The following SRP19 variants were observed in gnomAD, a reference collection of about 807,000 sequenced individuals.
SRP19 encodes the protein signal recognition particle 19.
Under a neutral mutation model 22.4 loss-of-function variants are expected in SRP19, and 11 were observed. The observed-to-expected ratio is 0.49, with a 90% CI of 0.31 to 0.81. SRP19 has a LOEUF of 0.81. Among genes scored for constraint, SRP19 ranks in the 40% least tolerant of loss-of-function variants. The probability of loss-of-function intolerance (pLI) is 0.05; values close to 1 mark genes in which losing one functional copy is unlikely to be tolerated. For missense variants in SRP19, 168 were observed against 175.9 expected (o/e 0.96, Z 0.25); for synonymous variants, 61 against 57.6 (o/e 1.06, Z -0.27).
At chr5:112,889,596 T>C (rs971406102) in intron 4 of SRP19, among the ~76,000 whole-genome samples, 6 of 150,710 alleles carry the variant, frequency 4.0e-5, no homozygotes, top group Admixed American at 1.3e-4. Flanking sequence ...TAGCTATAGA[T>C]AGCTTTCAAA....
At chr5:112,895,358 TGAA>T (rs1244558227), downstream of SRP19, 1 of 152,038 alleles carries the variant, frequency 6.6e-6, no homozygotes. Context: ...TTAATGTACT[TGAA>T]GAAAGTGTAC....
Position 112,867,471 on chromosome 5 carries a change from A to G in SRP19, c.369A>G (p.Gly123=). The change falls in exon 5 of 5, where the codon GGA becomes GGG. Residue 123 remains glycine (G), a synonymous_variant. Coordinates refer to ENST00000505459, the MANE Select transcript of SRP19 (RefSeq NM_003135.3). ...PKLKTRTQKT[G]GADQSLQQGE... is the part of the protein sequence containing the mutation. ...TAAAAACAAGGACACAAAAAACAGG[A>G]GGTGCTGACCAAAGTCTTCAACAAG... is the stretch of plus-strand genomic sequence containing the variant. The G allele has an allele frequency of 6.2e-7, 1 of 1,614,022 alleles. No homozygotes were observed. The highest frequency in any genetic ancestry group is 1.1e-5 in the South Asian group (1 of 91,068).
intron 4 of SRP19, chr5:112,876,917 C>T (rs1280681516): frequency 6.6e-6 from 1 of 152,074 alleles, no homozygotes; most frequent in Admixed American, 6.5e-5. Flanking sequence ...TTTTGTACCT[C>T]CTCATCTTGT....
chr5:112,874,713 C>G (rs945660250), downstream of SRP19, among the ~76,000 whole-genome samples: 18 of 151,874 alleles, frequency 1.2e-4, no homozygotes, highest in African/African-American at 3.9e-4. Flanking sequence ...TCTGAGAGGA[C>G]AGTAATCTTT....
intron 4 of SRP19, chr5:112,878,488 A>G (rs544413674): frequency 2.7e-6 from 1 of 376,528 alleles, no homozygotes; most frequent in East Asian, 4.5e-5. Context: ...TGTGGGGTAT[A>G]TAATTTTATT....
At chr5:112,886,423 G>A (rs947587276) in intron 4 of SRP19, among the ~76,000 whole-genome samples, 2 of 152,140 alleles carry the variant, frequency 1.3e-5, no homozygotes, top group African/African-American at 4.8e-5. Flanking sequence ...TTCATGAATG[G>A]CTCTTTATCA....
chr5:112,872,960 A>G (rs987399094), downstream of SRP19, among the ~76,000 whole-genome samples: 1 of 152,148 alleles, frequency 6.6e-6, no homozygotes, highest in Non-Finnish European at 1.5e-5. Context: ...TGTTTAAGGA[A>G]TTCAAGGGAA....
At position 112,868,162 on chromosome 5, in the gene SRP19, G is replaced by A. The variant is rs929237470; in HGVS notation, c.*625G>A. Reference sequence around the variant, plus strand: ...TTTAAGCTTTAAATTTGCTTATTTTGTAGGTTTAAGAACATGATTTTCATG... The same window carrying A: ...TTTAAGCTTTAAATTTGCTTATTTTATAGGTTTAAGAACATGATTTTCATG... On this transcript the variant is annotated 3_prime_UTR_variant, in exon 5 of 5. Transcript: ENST00000505459. 3.0e-6 allele frequency: 3 copies of A among 985,288 alleles called. No individual in the cohort carries two copies. The highest frequency in any genetic ancestry group is 3.5e-5 in the African/African-American group (2 of 57,210). The allele number at this position is 985,288 out of a possible 1,614,324, so 61.0% of individuals were successfully genotyped here.
At chr5:112,892,090 G>C (rs1013032986) in exon 5 of SRP19, 2 of 1,612,458 alleles carry the variant, frequency 1.2e-6, no homozygotes, top group African/African-American at 2.7e-5. Context: ...GGCTGAAAAT[G>C]ATTTAGAAAA....
chr5:112,862,469 C>T (rs1196738735), intron 1 of SRP19, 39 bp from the exon 2 acceptor site: 3 of 1,586,780 alleles, frequency 1.9e-6, no homozygotes, highest in African/African-American at 1.3e-5. Flanking sequence ...CTGCCTCTTA[C>T]TGCTCTAGTG....
At chr5:112,892,549 T>C in exon 5 of SRP19, 1 of 1,614,186 alleles carries the variant, frequency 6.2e-7, no homozygotes, top group Non-Finnish European at 8.5e-7. Context: ...ACAGCTGCAA[T>C]GTGAATTCTG....
chr5:112,879,077 C>T (rs949539314), intron 4 of SRP19, among the ~76,000 whole-genome samples: 8 of 152,002 alleles, frequency 5.3e-5, no homozygotes. Context: ...CTAGCCTAGC[C>T]CCTTGTTGTG....
chr5:112,870,146 C>A (rs1767725425), downstream of SRP19, among the ~76,000 whole-genome samples: 1 of 152,134 alleles, frequency 6.6e-6, no homozygotes, highest in South Asian at 2.1e-4. Context: ...GACTGCATAG[C>A]TTTTTCAGTC....
chr5:112,874,636 C>A (rs1302995259), downstream of SRP19, among the ~76,000 whole-genome samples: 1 of 152,156 alleles, frequency 6.6e-6, no homozygotes, highest in African/African-American at 2.4e-5. Context: ...GTTCCTGGAC[C>A]CAACATTGCC....
At chr5:112,887,309 A>G in intron 4 of SRP19, 1 of 877,662 alleles carries the variant, frequency 1.1e-6, no homozygotes, top group East Asian at 3.0e-5. Flanking sequence ...AGGCATTACC[A>G]GTGTTTTCTG....
downstream of SRP19, chr5:112,895,039 C>T (rs1014554207): frequency 2.0e-5 from 3 of 150,888 alleles, no homozygotes; most frequent in Non-Finnish European, 4.4e-5. Context: ...GAGTTCGAGA[C>T]CATCCTGGCC....
At chr5:112,898,134 G>A (rs1458774452) in exon 4 of SRP19, 1 of 152,190 alleles carries the variant, frequency 6.6e-6, no homozygotes, top group Admixed American at 6.5e-5. Flanking sequence ...GCATGCGATT[G>A]CAACAGCATA....
chr5:112,865,030 T>C (rs1391226359), intron 4 of SRP19: 1 of 215,268 alleles, frequency 4.6e-6, no homozygotes, highest in East Asian at 1.0e-4. Flanking sequence ...TATTAAATCG[T>C]TGGATGTTAA....
At chr5:112,884,750 T>A (rs1489469546) in intron 4 of SRP19, among the ~76,000 whole-genome samples, 2 of 148,456 alleles carry the variant, frequency 1.3e-5, no homozygotes, top group Non-Finnish European at 3.0e-5. Context: ...CGTCTCTATT[T>A]AAAATCATAA....
Sources: gnomAD v4.1 joint callset for allele counts (sites outside exome capture counted in the v4.1 genomes callset) on GRCh38, gnomAD v4.1.1 for gene constraint, MANE v1.5 for transcripts, NCBI Gene and HGNC (gene_info 2026-07-23, HGNC 2026-07-21) for gene names.